Variants in COL1A1 observed in about 807,000 individuals in gnomAD.
The protein encoded by COL1A1 is collagen alpha-1(I) chain.
In COL1A1, 21 loss-of-function variants were observed where a neutral mutation model predicts 195.7. The observed-to-expected ratio is 0.11, with a 90% CI of 0.08 to 0.15. The LOEUF (loss-of-function observed/expected upper bound fraction) is 0.15. Ranked by LOEUF, COL1A1 falls within the 10% of genes least tolerant of loss-of-function variation. The pLI, the probability that COL1A1 is intolerant of heterozygous loss-of-function variation, is 1.00. For synonymous variants in COL1A1, 749 were observed against 747.3 expected (o/e 1.00, Z -0.04); for missense variants, 1,365 against 2,051.0 (o/e 0.67, Z 6.46).
chr17:50,192,459 G>C lies in COL1A1; in HGVS notation c.1983+16C>G. 4.4e-6 allele frequency: 7 copies of C among 1,597,816 alleles called. No homozygotes were observed. Among genetic ancestry groups the C allele is most frequent in the Non-Finnish European group, 6.0e-6 (7 of 1,171,786 alleles). ...CCCTGCATCTCCCACCCCTCTGGCCGGCTGCTCCCTCTTACCTGTTCACCA... is the reference window on the plus strand; with the variant it reads ...CCCTGCATCTCCCACCCCTCTGGCCCGCTGCTCCCTCTTACCTGTTCACCA... On this transcript the variant is annotated intron_variant, in intron 29 of 50. Coordinates refer to ENST00000225964, the MANE Select transcript of COL1A1 (RefSeq NM_000088.4).
chr17:50,189,637 C>T lies in COL1A1; in HGVS notation c.2667+42G>A. ...CATCCTTCTGGCAGCCCCCACCCAG[C>T]ACCCCCAACCTAGAGCAGTGGACTC... is the stretch of plus-strand genomic sequence containing the variant. On this transcript the variant is annotated intron_variant, in intron 38 of 50. Transcript: ENST00000225964. This position sits in a 1 kb window ranked among gnomAD's most constrained non-coding sequence, Gnocchi z 5.5. 6.2e-7 allele frequency: 1 copy of T among 1,613,120 alleles called. No individual in the cohort carries two copies. The highest frequency in any genetic ancestry group is 8.5e-7 in the Non-Finnish European group (1 of 1,179,542).
chr17:50,193,548 C>T, intron 25 of COL1A1: 1 of 302,508 alleles, frequency 3.3e-6, no homozygotes, highest in South Asian at 3.1e-5. Flanking sequence ...ATGGCGTGAT[C>T]TCAGCTCACT....
chr17:50,199,312 G>A lies in COL1A1; in HGVS notation c.385C>T (p.Pro129Ser), dbSNP rs761672800. Residue 129 changes from proline (P) to serine (S), a missense_variant, in exon 5 of 51, where the codon CCT becomes TCT. Pro to Ser is a moderately conservative substitution (Grantham distance 74). Coordinates refer to ENST00000225964, the MANE Select transcript of COL1A1 (RefSeq NM_000088.4). ...PRGPRGPAGP[P>S]GRDGIPGQPG... ...TGTCCAGGGATGCCATCTCGGCCAG[G>A]GGGGCCTGCGGGTCCCTGCAGGGGG... 18 of 1,548,966 alleles carry A rather than the reference G, an allele frequency of 1.2e-5. No homozygotes were observed. Among genetic ancestry groups the A allele is most frequent in the Middle Eastern group, 2.0e-4 (1 of 5,082 alleles).
chr17:50,193,198 G>C (rs1480761287), intron 25 of COL1A1, 151 bp from the exon 26 acceptor site: 1 of 769,064 alleles, frequency 1.3e-6, no homozygotes, highest in Admixed American at 2.4e-5. Context: ...GGTGCTTCTT[G>C]CTGGGCCCTT....
At chr17:50,198,092 C>A in intron 7 of COL1A1, 69 bp downstream of exon 7, 1 of 1,607,988 alleles carries the variant, frequency 6.2e-7, no homozygotes, top group Non-Finnish European at 8.5e-7. Flanking sequence ...TCTCTCCTGC[C>A]CTCATCCCAG....
chr17:50,198,087 C>T lies in COL1A1; in HGVS notation c.588+74G>A, dbSNP rs142554672. On this transcript the variant is annotated intron_variant, in intron 7 of 50. Transcript: ENST00000225964. Reference sequence around the variant, plus strand: ...TACCAAGAGATCTCTGAGCATCTCTCCTGCCCTCATCCCAGTCTTCCCTCC... The same window carrying T: ...TACCAAGAGATCTCTGAGCATCTCTTCTGCCCTCATCCCAGTCTTCCCTCC... 2.8e-4 allele frequency: 446 copies of T among 1,605,800 alleles called. 4 individuals carry two copies. In the East Asian group the frequency reaches 9.6e-3, roughly 35 times the overall value.
Position 50,185,460 on chromosome 17 carries a change from A to T in COL1A1, c.*42T>A. The T allele has an allele frequency of 6.2e-7, 1 of 1,611,070 alleles. No individual in the cohort carries two copies. The highest frequency in any genetic ancestry group is 2.2e-5 in the East Asian group (1 of 44,768). On this transcript the variant is annotated 3_prime_UTR_variant, in exon 51 of 51. Transcript: ENST00000225964. The stretch of plus-strand genomic sequence containing the variant: ...TTGTCTGTTTCCGGGTTGGGGGGAA[A>T]GTTGGTTGGGTGGGAGGGAGCCAGG...
rs1462677639 is a variant in COL1A1, at chr17:50,190,342, G to A, written c.2436C>T (p.Gly812=). The A allele has an allele frequency of 1.2e-6, 2 of 1,608,214 alleles. No homozygotes were observed. Among genetic ancestry groups the A allele is most frequent in the Non-Finnish European group, 1.7e-6 (2 of 1,175,580 alleles). Residue 812 remains glycine, a synonymous_variant, in exon 35 of 51, where the codon GGC becomes GGT. Coordinates refer to ENST00000225964, the MANE Select transcript of COL1A1 (RefSeq NM_000088.4). This position sits in a 1 kb window ranked among gnomAD's most constrained non-coding sequence, Gnocchi z 4.7. ...RGEPGPPGPA[G]FAGPPGADGQ... ...TGGTACTCACAGGGGGGCCAGCAAAGCCAGCAGGGCCGGGGGGACCAGGCT... is the reference window on the plus strand; with the variant it reads ...TGGTACTCACAGGGGGGCCAGCAAAACCAGCAGGGCCGGGGGGACCAGGCT...
rs1906323352 is a variant in COL1A1 at position 50,184,726 on chromosome 17, A to C, written c.*776T>G. ...AAGAACGAGGTAGTCTTTCAGCAAC[A>C]CAGTTACACAAGGAACAGAACAGTC... is the stretch of plus-strand genomic sequence containing the variant. On this transcript the variant is annotated 3_prime_UTR_variant, in exon 51 of 51. Transcript: ENST00000225964. 4.3e-6 allele frequency: 1 copy of C among 232,110 alleles called. No homozygotes were observed. 14.4% of individuals were successfully genotyped at this position (232,110 alleles called of 1,614,324 possible).
At chr17:50,193,648 A>G in intron 25 of COL1A1, 1 of 395,632 alleles carries the variant, frequency 2.5e-6, no homozygotes, top group South Asian at 2.1e-5. Context: ...CACCCAGCTA[A>G]TCTTTTGTAT....
Position 50,195,167 on chromosome 17 carries a change from C to T in COL1A1, c.1299+65G>A. ...CTCAGTTGGCCTGCGTCTTCCTGCT[C>T]CCCAGATGAGAGCCGCACTGGAGCC... On this transcript the variant is annotated intron_variant, in intron 19 of 50. Coordinates refer to ENST00000225964, the MANE Select transcript of COL1A1 (RefSeq NM_000088.4). The surrounding 1 kb of genome is among the most constrained non-coding windows in gnomAD (Gnocchi z 4.3). The T allele has an allele frequency of 1.9e-6, 3 of 1,606,274 alleles. No homozygotes were observed. The highest frequency in any genetic ancestry group is 1.7e-6 in the Non-Finnish European group (2 of 1,173,186).
At chr17:50,191,296 C>T in intron 32 of COL1A1, 87 bp downstream of exon 32, 6 of 1,251,136 alleles carry the variant, frequency 4.8e-6, no homozygotes, top group Non-Finnish European at 7.1e-6. Context: ...GGACAGATCC[C>T]AGAGAGAAGG....
At chr17:50,200,147 T>C (rs558492524) in intron 1 of COL1A1, 200 bp from the exon 2 acceptor site, 3 of 636,256 alleles carry the variant, frequency 4.7e-6, no homozygotes, top group Admixed American at 5.0e-5. Flanking sequence ...AGGGAGGCTG[T>C]AACTCTTTCC....
In COL1A1 at chr17:50,187,037, C is replaced by T. The variant is rs993936431; in HGVS notation, c.3509G>A (p.Arg1170His). The part of the protein sequence containing the change: ...GPIGPPGPRG[R>H]TGDAGPVGPP... ...TACAACAGGACCAGCATCACCAGTGCGACCGCGAGGACCAGGGGGCCCAAT... is the reference window on the plus strand; with the variant it reads ...TACAACAGGACCAGCATCACCAGTGTGACCGCGAGGACCAGGGGGCCCAAT... Residue 1170 changes from arginine (R) to histidine (H), a missense_variant, in exon 47 of 51, where the codon CGC becomes CAC. Arg to His is a conservative substitution (Grantham distance 29, BLOSUM62 0). Coordinates refer to ENST00000225964, the MANE Select transcript of COL1A1 (RefSeq NM_000088.4). 13 of 1,613,458 alleles carry T rather than the reference C, an allele frequency of 8.1e-6. No individual in the cohort carries two copies. Among genetic ancestry groups the T allele is most frequent in the Admixed American group, 5.0e-5 (3 of 59,890 alleles).
At position 50,191,257 on chromosome 17, in the gene COL1A1, G is replaced by T; in HGVS notation, c.2235+126C>A. 26 of 940,468 alleles carry T rather than the reference G, an allele frequency of 2.8e-5. 2 individuals carry two copies. The South Asian group carries it at 3.4e-4, about 12-fold the overall frequency. 58.3% of individuals were successfully genotyped at this position (940,468 alleles called of 1,614,324 possible). On this transcript the variant is annotated intron_variant, in intron 32 of 50. Transcript: ENST00000225964. ...ATCAGCAAAAAGGCCAGAGGGGAAA[G>T]GGGAAGAAGGGAGGATTAGCGAGAA...
At chr17:50,201,263 C>T in intron 1 of COL1A1, 148 bp downstream of exon 1, 1 of 783,172 alleles carries the variant, frequency 1.3e-6, no homozygotes, top group Non-Finnish European at 2.1e-6. Flanking sequence ...TCCCTCCTGT[C>T]TCAGGGCGCC....
chr17:50,195,645 C>T lies in COL1A1; in HGVS notation c.1077G>A (p.Gly359=), dbSNP rs1419690614. The T allele has an allele frequency of 1.9e-6, 3 of 1,613,666 alleles. No homozygotes were observed. Among genetic ancestry groups the T allele is most frequent in the Middle Eastern group, 1.6e-4 (1 of 6,062 alleles). Residue 359 remains glycine, a synonymous_variant, in exon 17 of 51, where the codon GGG becomes GGA. Transcript: ENST00000225964. The surrounding 1 kb of genome is among the most constrained non-coding windows in gnomAD (Gnocchi z 4.3). ...CCTGGGGACCTTCAGAGCCTCGGGG[C>T]CCTTGGGGACCAGCTTCACCCTGAA... ...VGAKGEAGPQ[G]PRGSEGPQGV...
rs1906674629 is a variant in COL1A1, at chr17:50,187,673, A to G, written c.3370-136T>C. 4 of 1,032,436 alleles carry G rather than the reference A, an allele frequency of 3.9e-6. No homozygotes were observed. The East Asian group carries it at 1.0e-4, about 26-fold the overall frequency. 64.0% of individuals were successfully genotyped at this position (1,032,436 alleles called of 1,614,324 possible). A position where few individuals can be genotyped will look rare whatever the true frequency, so the allele number is the denominator to read the frequency against. The stretch of plus-strand genomic sequence containing the variant: ...CTGGAAATCTAGCCCGAGGGTGTCC[A>G]TAGGCAGAGACCTCTCCCATAATCC... On this transcript the variant is annotated intron_variant, in intron 45 of 50. Transcript: ENST00000225964.
At chr17:50,187,214 T>C in intron 46 of COL1A1, 92 bp from the exon 47 acceptor site, 1 of 1,107,608 alleles carries the variant, frequency 9.0e-7, no homozygotes, top group Non-Finnish European at 1.3e-6. Context: ...CTGCTGGCTC[T>C]GGCCCCACGG....
Sources: gnomAD v4.1 joint callset for allele counts on GRCh38, gnomAD v4.1.1 for gene constraint, Gnocchi (gnomAD v3.1) non-coding constraint, MANE v1.5 for transcripts, NCBI Gene and HGNC (gene_info 2026-07-23, HGNC 2026-07-21) for gene names.